Variants in TRIM36 observed in about 807,000 individuals in gnomAD.
TRIM36 encodes the protein E3 ubiquitin-protein ligase TRIM36.
Under a neutral mutation model 72.4 loss-of-function variants are expected in TRIM36, and 42 were observed. That is an observed-to-expected ratio of 0.58 (90% CI 0.45 to 0.75). The LOEUF (loss-of-function observed/expected upper bound fraction) is 0.75. Ranked by LOEUF, TRIM36 falls within the 30% of genes least tolerant of loss-of-function variation. The pLI is 0.00. For synonymous variants in TRIM36, 315 were observed against 282.8 expected (o/e 1.11, Z -1.14); for missense variants, 913 against 857.1 (o/e 1.07, Z -0.81).
chr5:115,173,050 A>T (rs1408651772), upstream of TRIM36, among the ~76,000 whole-genome samples: 1 of 152,230 alleles, frequency 6.6e-6, no homozygotes, highest in Non-Finnish European at 1.5e-5. Context: ...CTGCCATTTT[A>T]AACCACTGCT....
chr5:115,145,563 G>A (rs1437924382), intron 3 of TRIM36, among the ~76,000 whole-genome samples: 3 of 152,020 alleles, frequency 2.0e-5, no homozygotes, highest in African/African-American at 7.3e-5. Flanking sequence ...GTCTCGCTCT[G>A]TCGCCCAGGC....
At chr5:115,166,611 G>A (rs1222959409) in intron 1 of TRIM36, among the ~76,000 whole-genome samples, 2 of 152,230 alleles carry the variant, frequency 1.3e-5, no homozygotes, top group African/African-American at 4.8e-5. Context: ...CTCTGGACCT[G>A]CCAAATGGCA....
intron 2 of TRIM36, among the ~76,000 whole-genome samples, chr5:115,155,285 T>C (rs1382254203): frequency 6.6e-6 from 1 of 152,094 alleles, no homozygotes; most frequent in East Asian, 1.9e-4. Context: ...GAGGCACAGG[T>C]TGCAGTGAGC....
At chr5:115,149,687 C>CATTAA (rs965399813) in intron 2 of TRIM36, 1 of 130,088 alleles carries the variant, frequency 7.7e-6, no homozygotes, top group African/African-American at 2.9e-5. Context: ...TTAAATCAGA[C>CATTAA]ATTAAATTAA....
At chr5:115,139,630 TATC>T (rs1245788604) in intron 5 of TRIM36, among the ~76,000 whole-genome samples, 2 of 152,192 alleles carry the variant, frequency 1.3e-5, no homozygotes. Flanking sequence ...AACTCAGAAA[TATC>T]ATTATAGATA....
rs1172323811 is a variant in TRIM36, at chr5:115,163,744, A to C, written c.36T>G (p.Ile12Met). The C allele has an allele frequency of 1.2e-6, 2 of 1,614,120 alleles. No homozygotes were observed. The highest frequency in any genetic ancestry group is 4.5e-5 in the East Asian group (2 of 44,886). ...AAATGAGCTCCCTTTCGATATTCTT[A>C]ATGGTAACCTTGAGAGTAAAATAGT... ...EGDGSDSPVT[I>M]KNIERELICP... The change falls in exon 2 of 10, where the codon ATT becomes ATG. Residue 12 changes from isoleucine to methionine, a missense_variant. Coordinates refer to ENST00000513154, the MANE Select transcript of TRIM36 (RefSeq NM_001300759.2).
intron 9 of TRIM36, among the ~76,000 whole-genome samples, chr5:115,128,644 C>T (rs1219860123): frequency 1.4e-5 from 2 of 146,268 alleles, no homozygotes; most frequent in Non-Finnish European, 3.0e-5. Context: ...CCCAGCTACT[C>T]GGGAGGCTGA....
intron 5 of TRIM36, 36 bp downstream of exon 5, chr5:115,141,243 A>G: frequency 7.1e-7 from 1 of 1,400,236 alleles, no homozygotes; most frequent in Non-Finnish European, 9.9e-7. Flanking sequence ...ATAAAATAAC[A>G]ATAATTTAAA....
chr5:115,154,089 C>CA (rs35902682), intron 2 of TRIM36, among the ~76,000 whole-genome samples: 46,366 of 148,600 alleles, frequency 0.31, 7,206 homozygotes, highest in African/African-American at 0.36. Context: ...AGCACAGGGT[C>CA]AAAAAAAAAA....
chr5:115,173,369 T>A (rs1289248899), upstream of TRIM36, among the ~76,000 whole-genome samples: 1 of 152,176 alleles, frequency 6.6e-6, no homozygotes, highest in African/African-American at 2.4e-5. Flanking sequence ...CAGTAGCCTA[T>A]AAGTTGAGTA....
At chr5:115,174,246 A>C (rs1315496878), upstream of TRIM36, 1 of 152,190 alleles carries the variant, frequency 6.6e-6, no homozygotes, top group African/African-American at 2.4e-5. Flanking sequence ...GGGTACCACC[A>C]TTCTATTGGT....
Position 115,144,671 on chromosome 5 carries a change from T to C in TRIM36, c.662A>G (p.His221Arg), listed in dbSNP as rs1205784361. Residue 221 changes from histidine to arginine, a missense_variant, in exon 4 of 10, where the codon CAT becomes CGT. Coordinates refer to ENST00000513154, the MANE Select transcript of TRIM36 (RefSeq NM_001300759.2). Reference sequence around the variant, plus strand: ...ATGATTACCACCCAACTTACACAGATGGCAAACTGGCCTCCTACATAATTC... The same window carrying C: ...ATGATTACCACCCAACTTACACAGACGGCAAACTGGCCTCCTACATAATTC... ...YCELCRRPVC[H>R]LCKLGGNHAN... 6.2e-7 allele frequency: 1 copy of C among 1,614,070 alleles called. No individual in the cohort carries two copies. The highest frequency in any genetic ancestry group is 8.5e-7 in the Non-Finnish European group (1 of 1,180,034).
At chr5:115,149,177 T>C (rs1753756439) in intron 2 of TRIM36, 2 of 152,122 alleles carry the variant, frequency 1.3e-5, no homozygotes, top group Admixed American at 1.3e-4. Context: ...AGATAATAAT[T>C]CTAAAAGCAT....
At chr5:115,163,154 T>C (rs1580699056) in intron 2 of TRIM36, among the ~76,000 whole-genome samples, 1 of 151,946 alleles carries the variant, frequency 6.6e-6, no homozygotes, top group East Asian at 1.9e-4. Context: ...ATGGAGTTTC[T>C]CCATGTTGGT....
chr5:115,155,773 C>T (rs1314408221), intron 2 of TRIM36, among the ~76,000 whole-genome samples: 18 of 152,160 alleles, frequency 1.2e-4, no homozygotes, highest in Admixed American at 1.2e-3. Flanking sequence ...GATGCCCACT[C>T]TTACCACCCT....
At position 115,157,542 on chromosome 5, in the gene TRIM36, C is replaced by T. The variant is rs190442298; in HGVS notation, c.262+5976G>A. ...TCACGCCATTGCACTCCAGCCTGAG[C>T]GACAACAGCGAAACTCTATCTCAAA... On this transcript the variant is annotated intron_variant, in intron 2 of 9. Transcript: ENST00000513154. Among the ~76,000 whole-genome samples the T allele has an allele frequency of 7.3e-4, 111 of 151,928 alleles. 2 individuals carry two copies. The East Asian group carries it at 0.02, about 27-fold the overall frequency.
intron 2 of TRIM36, among the ~76,000 whole-genome samples, chr5:115,160,894 A>G (rs1754447358): frequency 6.6e-6 from 1 of 152,176 alleles, no homozygotes; most frequent in Non-Finnish European, 1.5e-5. Context: ...AAGCTGTCAG[A>G]AAAAAAGGAA....
chr5:115,146,645 C>T (rs545362634), intron 3 of TRIM36, among the ~76,000 whole-genome samples: 1 of 152,234 alleles, frequency 6.6e-6, no homozygotes, highest in East Asian at 1.9e-4. Context: ...TACTTTTATT[C>T]ATTGTACAAT....
At chr5:115,147,978 C>A (rs544826538) in intron 2 of TRIM36, among the ~76,000 whole-genome samples, 18 of 152,206 alleles carry the variant, frequency 1.2e-4, no homozygotes, top group Non-Finnish European at 2.1e-4. Context: ...GTGATGTGAC[C>A]ACAAAATTTT....
Sources: allele counts gnomAD v4.1 joint callset (sites outside exome capture counted in the v4.1 genomes callset), GRCh38; gene constraint gnomAD v4.1.1; transcripts MANE v1.5; gene names NCBI Gene and HGNC (gene_info 2026-07-23, HGNC 2026-07-21).